DOCK3: variants seen among roughly 807,000 people sequenced by gnomAD.
DOCK3 encodes dedicator of cytokinesis 3.
A neutral mutation model predicts 265.6 loss-of-function variants in DOCK3; 60 were observed. The ratio of observed to expected loss-of-function variants is 0.23; its 90% CI spans 0.18 to 0.28. The LOEUF is 0.28. DOCK3 is among the 10% of genes least tolerant of loss of function. The pLI is 1.00. For synonymous variants in DOCK3, 881 were observed against 938.0 expected, an observed-to-expected ratio of 0.94 and a Z score of 1.11; for missense variants, 1,981 against 2,594.3, an observed-to-expected ratio of 0.76 and a Z score of 5.14.
chr3:51,076,772 T>A (rs1167470136), intron 7 of DOCK3, among the ~76,000 whole-genome samples: 2 of 152,110 alleles, frequency 1.3e-5, no homozygotes, highest in African/African-American at 4.8e-5. Flanking sequence ...TTAGAGGTAG[T>A]GACTGGTTTC....
chr3:50,964,631 C>T (rs1054170048), intron 5 of DOCK3, among the ~76,000 whole-genome samples: 17 of 152,018 alleles, frequency 1.1e-4, no homozygotes, highest in African/African-American at 3.1e-4. Context: ...ACTAGCTGTG[C>T]GACAACTTCA....
chr3:51,361,866 A>AACT lies in DOCK3; in HGVS notation c.5015_5017dup (p.Asn1672_Leu1673insTyr). The AACT allele has an allele frequency of 3.7e-6, 6 of 1,612,956 alleles. No homozygotes were observed. The highest frequency in any genetic ancestry group is 5.1e-6 in the Non-Finnish European group (6 of 1,179,396). On this transcript the variant is annotated inframe_insertion, in exon 48 of 53. Coordinates refer to ENST00000266037, the MANE Select transcript of DOCK3 (RefSeq NM_004947.5). This position sits in a 1 kb window ranked among gnomAD's most constrained non-coding sequence, Gnocchi z 4.2. Reference sequence around the variant, plus strand: ...TCCCACTCTTGCTCACAGCCCCATGAACTTGATGGGCACAGGCCGCCATTC... The same window carrying AACT: ...TCCCACTCTTGCTCACAGCCCCATGAACTACTTGATGGGCACAGGCCGCCATTC...
At chr3:50,972,793 A>G (rs542501187) in intron 5 of DOCK3, among the ~76,000 whole-genome samples, 12 of 152,006 alleles carry the variant, frequency 7.9e-5, no homozygotes, top group Admixed American at 2.6e-4. Flanking sequence ...TACCAGTACC[A>G]TGCTGTTTTG....
chr3:50,983,303 T>G (rs114632936), intron 5 of DOCK3, among the ~76,000 whole-genome samples: 20 of 151,778 alleles, frequency 1.3e-4, no homozygotes, highest in African/African-American at 4.4e-4. Context: ...AGGGGGTGGG[T>G]CCCTGATGAG....
intron 12 of DOCK3, among the ~76,000 whole-genome samples, chr3:51,190,190 C>A (rs900056955): frequency 1.3e-5 from 2 of 152,150 alleles, no homozygotes; most frequent in African/African-American, 4.8e-5. Flanking sequence ...TGATGTACTC[C>A]CCCTTTCCAT....
intron 5 of DOCK3, among the ~76,000 whole-genome samples, chr3:51,020,265 C>T (rs2079527734): frequency 3.6e-5 from 1 of 27,722 alleles, no homozygotes; most frequent in African/African-American, 2.6e-4. Context: ...GCCTGTGTTT[C>T]TCCTTTTGAG....
intron 3 of DOCK3, among the ~76,000 whole-genome samples, chr3:50,883,014 A>T (rs564164444): frequency 2.0e-5 from 3 of 152,166 alleles, no homozygotes; most frequent in Non-Finnish European, 4.4e-5. Context: ...AACTATTGCA[A>T]GGACAGAAAA....
At chr3:50,990,975 C>A (rs1477692385) in intron 5 of DOCK3, among the ~76,000 whole-genome samples, 1 of 152,170 alleles carries the variant, frequency 6.6e-6, no homozygotes, top group Non-Finnish European at 1.5e-5. Context: ...CAATCAAGTT[C>A]ACACTCAACA....
intron 19 of DOCK3, among the ~76,000 whole-genome samples, chr3:51,232,222 A>G (rs1404872242): frequency 3.3e-5 from 5 of 152,180 alleles, no homozygotes; most frequent in Non-Finnish European, 7.4e-5. Context: ...GTTTTGGTGC[A>G]CCTATCACCC....
chr3:51,318,720 CT>C (rs1229834154), intron 32 of DOCK3, among the ~76,000 whole-genome samples: 1 of 151,868 alleles, frequency 6.6e-6, no homozygotes, highest in Non-Finnish European at 1.5e-5. Context: ...GCTCAAGCTC[CT>C]TAATTATATT....
intron 9 of DOCK3, among the ~76,000 whole-genome samples, chr3:51,141,864 A>G (rs1258224330): frequency 6.6e-6 from 1 of 152,016 alleles, no homozygotes; most frequent in East Asian, 1.9e-4. Context: ...TGTTTTTGCC[A>G]CTTTTTCACT....
At chr3:50,773,503 A>G (rs894565457) in intron 1 of DOCK3, among the ~76,000 whole-genome samples, 4 of 152,136 alleles carry the variant, frequency 2.6e-5, no homozygotes, top group Non-Finnish European at 5.9e-5. Context: ...GTTAATTTAC[A>G]TGTTCTTGTT....
intron 27 of DOCK3, among the ~76,000 whole-genome samples, chr3:51,308,711 C>T (rs1243657489): frequency 6.6e-6 from 1 of 152,246 alleles, no homozygotes; most frequent in South Asian, 2.1e-4. Context: ...GTCATCATGG[C>T]CCGTTCTCAA....
chr3:51,221,144 G>A (rs752106348), intron 14 of DOCK3, among the ~76,000 whole-genome samples: 3 of 152,098 alleles, frequency 2.0e-5, no homozygotes, highest in Non-Finnish European at 2.9e-5. Context: ...ATTTCTGGTG[G>A]CTGAACAGCA....
intron 32 of DOCK3, among the ~76,000 whole-genome samples, chr3:51,320,940 G>T (rs1176239372): frequency 6.6e-6 from 1 of 152,226 alleles, no homozygotes; most frequent in Admixed American, 6.5e-5. Flanking sequence ...GCTCTGAAGA[G>T]AGCAGCGAAT....
intron 19 of DOCK3, among the ~76,000 whole-genome samples, chr3:51,230,875 C>T (rs1450758591): frequency 6.6e-6 from 1 of 151,876 alleles, no homozygotes; most frequent in African/African-American, 2.4e-5. Context: ...GATTCCATGT[C>T]TTATGTTATT....
chr3:50,875,961 A>G (rs940089827), intron 3 of DOCK3, among the ~76,000 whole-genome samples: 2 of 152,154 alleles, frequency 1.3e-5, no homozygotes, highest in African/African-American at 4.8e-5. Context: ...AGAGCTGAAT[A>G]ATCCAGCTCT....
intron 12 of DOCK3, among the ~76,000 whole-genome samples, chr3:51,194,731 G>A (rs1560190076): frequency 6.6e-6 from 1 of 150,740 alleles, no homozygotes; most frequent in East Asian, 1.9e-4. Flanking sequence ...ATCCCTACTC[G>A]CTTTTGGTTT....
intron 2 of DOCK3, among the ~76,000 whole-genome samples, chr3:50,824,321 T>C (rs2044635448): frequency 6.6e-6 from 1 of 152,234 alleles, no homozygotes; most frequent in African/African-American, 2.4e-5. Flanking sequence ...GTTTGCTAAA[T>C]TAGTAATAGA....
Sources: allele counts gnomAD v4.1 joint callset (sites outside exome capture counted in the v4.1 genomes callset), GRCh38; gene constraint gnomAD v4.1.1; non-coding constraint Gnocchi (gnomAD v3.1); transcripts MANE v1.5; gene names NCBI Gene and HGNC (gene_info 2026-07-23, HGNC 2026-07-21).